Variants in MCU observed in about 807,000 individuals in gnomAD.
MCU encodes the protein mitochondrial calcium uniporter.
Under a neutral mutation model 45.2 loss-of-function variants are expected in MCU, and 12 were observed. That is an observed-to-expected ratio of 0.27 (90% CI 0.17 to 0.43). The LOEUF (loss-of-function observed/expected upper bound fraction) is 0.43. Among genes scored for constraint, MCU ranks in the 20% least tolerant of loss-of-function variants. MCU has a pLI of 1.00. For synonymous variants in MCU, 160 were observed against 165.1 expected (o/e 0.97, Z 0.24); for missense variants, 324 against 436.7 (o/e 0.74, Z 2.30).
At chr10:72,805,093 CTTTCTTTCTCTTTCTTTCTT>C (rs1437445061) in intron 1 of MCU, among the ~76,000 whole-genome samples, 7 of 143,248 alleles carry the variant, frequency 4.9e-5, no homozygotes, top group African/African-American at 2.0e-4. Context: ...TTCTTTCTTT[CTTTCTTTCTCTTTCTTTCTT>C]TCTTTCTTTC....
chr10:72,870,500 T>C (rs1845525671), intron 5 of MCU, among the ~76,000 whole-genome samples: 2 of 152,168 alleles, frequency 1.3e-5, no homozygotes, highest in African/African-American at 4.8e-5. Context: ...GCCAGGATGG[T>C]CGCGATCTCC....
intron 6 of MCU, among the ~76,000 whole-genome samples, chr10:72,882,276 A>G (rs1365979851): frequency 2.6e-5 from 4 of 152,214 alleles, no homozygotes; most frequent in Non-Finnish European, 4.4e-5. Flanking sequence ...TGTTTGAACA[A>G]TATGAAATCT....
At chr10:72,768,341 C>T (rs892265621) in intron 1 of MCU, among the ~76,000 whole-genome samples, 1 of 152,128 alleles carries the variant, frequency 6.6e-6, no homozygotes, top group African/African-American at 2.4e-5. Context: ...TGAAGAACTA[C>T]ACAAAGGCTT....
intron 1 of MCU, among the ~76,000 whole-genome samples, chr10:72,802,513 C>T (rs1198511068): frequency 6.6e-6 from 1 of 151,468 alleles, no homozygotes; most frequent in East Asian, 1.9e-4. Context: ...AAGAACAAGG[C>T]TGACAAATTT....
At chr10:72,778,339 C>G (rs1843930057) in intron 1 of MCU, among the ~76,000 whole-genome samples, 1 of 152,138 alleles carries the variant, frequency 6.6e-6, no homozygotes, top group African/African-American at 2.4e-5. Context: ...GGATATTACT[C>G]AGCCTTAAAA....
At chr10:72,798,290 A>C (rs569455249) in intron 1 of MCU, among the ~76,000 whole-genome samples, 85 of 152,024 alleles carry the variant, frequency 5.6e-4, no homozygotes, top group African/African-American at 2.0e-3. Flanking sequence ...GGTGCCCACT[A>C]TTTGTTTGTT....
chr10:72,756,448 T>C (rs1467334937), intron 1 of MCU: 3 of 152,240 alleles, frequency 2.0e-5, no homozygotes, highest in Admixed American at 6.5e-5. Flanking sequence ...CAATTACTTA[T>C]ACATAAAAAT....
At chr10:72,787,880 C>T (rs191658111) in intron 1 of MCU, among the ~76,000 whole-genome samples, 1 of 151,918 alleles carries the variant, frequency 6.6e-6, no homozygotes, top group East Asian at 2.0e-4. Flanking sequence ...CCACACCCAG[C>T]TAATTTTTGT....
At chr10:72,747,049 TTAGGGAC>T (rs1355198364) in intron 1 of MCU, among the ~76,000 whole-genome samples, 1 of 152,158 alleles carries the variant, frequency 6.6e-6, no homozygotes, top group Non-Finnish European at 1.5e-5. Flanking sequence ...AACGAAAAAG[TTAGGGAC>T]TATGTGCAGG....
At chr10:72,692,727 C>A in intron 1 of MCU, 5 of 1,271,848 alleles carry the variant, frequency 3.9e-6, no homozygotes, top group Non-Finnish European at 5.0e-6. Flanking sequence ...TTGCCGCGGC[C>A]GCCTTGTGTG....
At chr10:72,807,161 G>T (rs1304562314) in intron 1 of MCU, among the ~76,000 whole-genome samples, 1 of 152,124 alleles carries the variant, frequency 6.6e-6, no homozygotes. Context: ...AAATTTAGCT[G>T]AGCTTAAAAG....
chr10:72,834,541 C>CT (rs1589486459), intron 2 of MCU, 113 bp downstream of exon 2: 1 of 803,960 alleles, frequency 1.2e-6, no homozygotes. Flanking sequence ...TTAAGGTGGG[C>CT]TTAGGGGTCA....
intron 1 of MCU, among the ~76,000 whole-genome samples, chr10:72,800,143 C>T (rs1325645867): frequency 6.6e-6 from 1 of 152,140 alleles, no homozygotes; most frequent in East Asian, 1.9e-4. Flanking sequence ...CAAAAAGACC[C>T]TCCCCCCAGT....
chr10:72,777,075 A>G (rs1318701962), intron 1 of MCU, among the ~76,000 whole-genome samples: 7 of 152,252 alleles, frequency 4.6e-5, no homozygotes, highest in Admixed American at 6.5e-5. Context: ...GCAGAAAGAT[A>G]TTCCATGCTA....
At chr10:72,773,397 A>G (rs999547373) in intron 1 of MCU, among the ~76,000 whole-genome samples, 34 of 152,168 alleles carry the variant, frequency 2.2e-4, no homozygotes, top group African/African-American at 8.2e-4. Context: ...AAGCAGAGAA[A>G]ATAGTGAACT....
chr10:72,849,099 T>C lies in MCU; in HGVS notation c.221-10078T>C, dbSNP rs567380824. Among the ~76,000 whole-genome samples the C allele has an allele frequency of 7.2e-5, 11 of 151,746 alleles. 1 individual carries two copies. The South Asian group carries it at 2.3e-3, about 32-fold the overall frequency. On this transcript the variant is annotated intron_variant, in intron 2 of 7. Transcript: ENST00000373053. Reference sequence around the variant, plus strand: ...TTCGAGACCAGCCTGGCCAACATAGTGAAACCATGTCTCTACTAAAAATAC... The same window carrying C: ...TTCGAGACCAGCCTGGCCAACATAGCGAAACCATGTCTCTACTAAAAATAC...
intron 6 of MCU, among the ~76,000 whole-genome samples, chr10:72,881,318 AAG>A (rs1194729724): frequency 6.6e-6 from 1 of 152,212 alleles, no homozygotes; most frequent in Non-Finnish European, 1.5e-5. Context: ...TAGCTCCTAT[AAG>A]AGAATATCTT....
chr10:72,714,343 G>GTTTTTTTTTTTTTTTTTTT (rs1479850646), intron 1 of MCU, among the ~76,000 whole-genome samples: 15 of 49,484 alleles, frequency 3.0e-4, no homozygotes, highest in Non-Finnish European at 6.8e-4. Context: ...CCCCGCCCTG[G>GTTTTTTTTTTTTTTTTTTT]TCTTTTTTTT....
chr10:72,805,101 C>CTCTT (rs1161181455), intron 1 of MCU, among the ~76,000 whole-genome samples: 20,572 of 103,132 alleles, frequency 0.2, 2,418 homozygotes, highest in Middle Eastern at 0.25. Flanking sequence ...TTCTTTCTTT[C>CTCTT]TCTTTCTTTC....
Sources: gnomAD v4.1 joint callset for allele counts (sites outside exome capture counted in the v4.1 genomes callset) on GRCh38, gnomAD v4.1.1 for gene constraint, MANE v1.5 for transcripts, NCBI Gene and HGNC (gene_info 2026-07-23, HGNC 2026-07-21) for gene names.